Variants in AAK1 observed in about 807,000 individuals in gnomAD.
AAK1 encodes the protein AP2 associated kinase 1.
In AAK1, 37 loss-of-function variants were observed where a neutral mutation model predicts 116.0. That is an observed-to-expected ratio of 0.32 (90% CI 0.25 to 0.42). The LOEUF (loss-of-function observed/expected upper bound fraction) is 0.42, where lower values mean the gene tolerates loss of function less well. AAK1 is among the 10% of genes least tolerant of loss of function. The pLI is 1.00. For missense variants in AAK1, 919 were observed against 1,170.6 expected (o/e 0.79, Z 3.14); for synonymous variants, 458 against 439.9 (o/e 1.04, Z -0.51).
At chr2:69,607,137 T>C (rs1026392452) in intron 2 of AAK1, among the ~76,000 whole-genome samples, 4 of 150,672 alleles carry the variant, frequency 2.7e-5, no homozygotes, top group Non-Finnish European at 4.4e-5. Flanking sequence ...GAGTGTTATG[T>C]GGGGGAAGAG....
chr2:69,467,951 C>G lies in AAK1; in HGVS notation c.*7918G>C. 21 of 985,326 alleles carry G rather than the reference C, an allele frequency of 2.1e-5. No homozygotes were observed. The highest frequency in any genetic ancestry group is 2.4e-5 in the Non-Finnish European group (20 of 829,904). 61.0% of individuals were successfully genotyped at this position (985,326 alleles called of 1,614,324 possible). A position where few individuals can be genotyped will look rare whatever the true frequency, so the allele number is the denominator to read the frequency against. ...GTGCTTCTTTTTAAACAGTTCTGAC[C>G]TTAAATATTGTTTTCAGAAACAGAA... is the stretch of plus-strand genomic sequence containing the variant. On this transcript the variant is annotated 3_prime_UTR_variant, in exon 22 of 22. Coordinates refer to ENST00000409085, the MANE Select transcript of AAK1 (RefSeq NM_014911.5).
At chr2:69,566,999 C>T (rs1671898324) in intron 2 of AAK1, among the ~76,000 whole-genome samples, 1 of 152,212 alleles carries the variant, frequency 6.6e-6, no homozygotes, top group African/African-American at 2.4e-5. Flanking sequence ...TGGCTTCTCA[C>T]CCCTCTTAGA....
intron 2 of AAK1, among the ~76,000 whole-genome samples, chr2:69,568,756 C>A (rs950953373): frequency 1.3e-5 from 2 of 152,170 alleles, no homozygotes; most frequent in African/African-American, 4.8e-5. Context: ...GGCTCTCATG[C>A]TGGAAAGCAG....
At chr2:69,505,121 G>A (rs1024749828) in intron 16 of AAK1, among the ~76,000 whole-genome samples, 1 of 114,720 alleles carries the variant, frequency 8.7e-6, no homozygotes, top group African/African-American at 3.5e-5. Flanking sequence ...GTGCGTGCGT[G>A]TGCGCACACA....
rs766744050 is a variant in AAK1 at position 69,527,222 on chromosome 2, A to G, written c.969T>C (p.Asn323=). 1.3e-6 allele frequency: 2 copies of G among 1,598,136 alleles called. No individual in the cohort carries two copies. The highest frequency in any genetic ancestry group is 1.1e-5 in the South Asian group (1 of 88,910). The change falls in exon 9 of 22, where the codon AAT becomes AAC. Residue 323 remains asparagine, a synonymous_variant. Transcript: ENST00000409085. ...AATAGCACCATTCACGTACCTGTAC[A>G]TTTGGAATTGGGCACTCTTTCTTGA... is the stretch of plus-strand genomic sequence containing the variant. ...KLLKKECPIP[N]VQNSPIPAKL... is the part of the protein sequence containing the mutation.
chr2:69,493,157 T>TAAAAA (rs1675602340), intron 17 of AAK1, among the ~76,000 whole-genome samples: 1 of 21,894 alleles, frequency 4.6e-5, no homozygotes, highest in Non-Finnish European at 7.4e-5. Flanking sequence ...AGACTCCGTC[T>TAAAAA]CAAAAAAAAA....
At chr2:69,519,335 T>C (rs1174557306) in intron 11 of AAK1, 95 bp from the exon 12 acceptor site, 3 of 1,433,836 alleles carry the variant, frequency 2.1e-6, no homozygotes, top group South Asian at 1.5e-5. Flanking sequence ...GGGTGACAAG[T>C]GTGCAGAGTA....
chr2:69,569,903 G>A (rs189877343), intron 2 of AAK1, among the ~76,000 whole-genome samples: 1 of 152,136 alleles, frequency 6.6e-6, no homozygotes, highest in East Asian at 1.9e-4. Flanking sequence ...ATTTCAGATT[G>A]GGGCTGTTAT....
chr2:69,542,741 C>T (rs878955500), intron 4 of AAK1, 76 bp from the exon 5 acceptor site: 25 of 1,519,320 alleles, frequency 1.6e-5, no homozygotes, highest in Non-Finnish European at 2.1e-5. Flanking sequence ...GAATGAACGG[C>T]GTCCAAAGAG....
chr2:69,470,443 T>C lies in AAK1; in HGVS notation c.*5426A>G. ...CAAAATTAAGCATTTGGTTCCACCATATATTAGGTAGCTGCATTAAAACCC... is the reference window on the plus strand; with the variant it reads ...CAAAATTAAGCATTTGGTTCCACCACATATTAGGTAGCTGCATTAAAACCC... On this transcript the variant is annotated 3_prime_UTR_variant, in exon 22 of 22. Coordinates refer to ENST00000409085, the MANE Select transcript of AAK1 (RefSeq NM_014911.5). 4 of 985,366 alleles carry C rather than the reference T, an allele frequency of 4.1e-6. No homozygotes were observed. The highest frequency in any genetic ancestry group is 4.8e-6 in the Non-Finnish European group (4 of 829,920). 61.0% of individuals were successfully genotyped at this position (985,366 alleles called of 1,614,324 possible).
chr2:69,537,033 G>C (rs2105038422), intron 5 of AAK1, among the ~76,000 whole-genome samples: 1 of 152,298 alleles, frequency 6.6e-6, no homozygotes. Context: ...TAATACAACA[G>C]AATAAAACGG....
intron 2 of AAK1, among the ~76,000 whole-genome samples, chr2:69,589,506 C>T (rs530203436): frequency 1.3e-5 from 2 of 151,924 alleles, no homozygotes; most frequent in East Asian, 3.9e-4. Flanking sequence ...GTCAGGAGTT[C>T]GAGACCAGCC....
intron 2 of AAK1, among the ~76,000 whole-genome samples, chr2:69,566,271 T>C (rs978566679): frequency 6.6e-6 from 1 of 152,156 alleles, no homozygotes; most frequent in Admixed American, 6.5e-5. Flanking sequence ...GCAAAGCTTT[T>C]TCCAGGAGAA....
chr2:69,463,812 ATTT>A lies in AAK1; in HGVS notation c.*12054_*12056del, dbSNP rs981576222. The A allele has an allele frequency of 6.6e-6, 1 of 151,832 alleles. No individual in the cohort carries two copies. Among genetic ancestry groups the A allele is most frequent in the African/African-American group, 2.4e-5 (1 of 41,264 alleles). The allele number at this position is 151,832 out of a possible 1,614,324, so 9.4% of individuals were successfully genotyped here. On this transcript the variant is annotated 3_prime_UTR_variant, in exon 22 of 22. Transcript: ENST00000409085. ...AGGTGTGAGCCACCATGCCCAGCCT[ATTT>A]TTTTATTTATTTTTTGAAGGGACAG...
In AAK1 at chr2:69,467,839, TAA is replaced by T. The variant is rs1674539984; in HGVS notation, c.*8028_*8029del. ...CCAGTCACTTAGAGACATTACATTG[TAA>T]AGAGAATGTAGAGAGAGGTCTGAAC... On this transcript the variant is annotated 3_prime_UTR_variant, in exon 22 of 22. Coordinates refer to ENST00000409085, the MANE Select transcript of AAK1 (RefSeq NM_014911.5). The T allele has an allele frequency of 1.0e-6, 1 of 985,390 alleles. No individual in the cohort carries two copies. The highest frequency in any genetic ancestry group is 1.2e-6 in the Non-Finnish European group (1 of 829,898). The allele number at this position is 985,390 out of a possible 1,614,324, so 61.0% of individuals were successfully genotyped here. A position where few individuals can be genotyped will look rare whatever the true frequency, so the allele number is the denominator to read the frequency against.
At chr2:69,566,488 C>T (rs1671875902) in intron 2 of AAK1, among the ~76,000 whole-genome samples, 1 of 152,128 alleles carries the variant, frequency 6.6e-6, no homozygotes, top group African/African-American at 2.4e-5. Context: ...TCTCTCCCCA[C>T]TCAAGCTGTG....
At chr2:69,527,177 G>T in intron 9 of AAK1, 39 bp downstream of exon 9, 1 of 1,451,116 alleles carries the variant, frequency 6.9e-7, no homozygotes, top group Non-Finnish European at 9.5e-7. Context: ...ATGGCAATTT[G>T]ATAATGTTTA....
intron 17 of AAK1, among the ~76,000 whole-genome samples, chr2:69,493,297 G>GA (rs1416378099): frequency 6.6e-6 from 1 of 151,934 alleles, no homozygotes; most frequent in African/African-American, 2.4e-5. Flanking sequence ...AATTCTGCAG[G>GA]ACACCGTGAA....
Position 69,478,976 on chromosome 2 carries a change from T to C in AAK1, c.2655A>G (p.Thr885=), listed in dbSNP as rs1238781191. The part of the protein sequence containing the change: ...TTDLLEEFAP[T]AISAPVHKAA... ...CTTTATGGACTGGAGCAGAGATTGC[T>C]GTGGGGGCAAACTCTTCCAGAAGGT... The change falls in exon 20 of 22, where the codon ACA becomes ACG. Residue 885 remains threonine, a synonymous_variant. Coordinates refer to ENST00000409085, the MANE Select transcript of AAK1 (RefSeq NM_014911.5). 1.2e-6 allele frequency: 2 copies of C among 1,613,442 alleles called. No individual in the cohort carries two copies. Among genetic ancestry groups the C allele is most frequent in the Non-Finnish European group, 1.7e-6 (2 of 1,179,414 alleles).
Sources: allele counts gnomAD v4.1 joint callset (sites outside exome capture counted in the v4.1 genomes callset), GRCh38; gene constraint gnomAD v4.1.1; transcripts MANE v1.5; gene names NCBI Gene and HGNC (gene_info 2026-07-23, HGNC 2026-07-21).